The following MARCHF3 variants were observed in gnomAD, a reference collection of about 807,000 sequenced individuals.
MARCHF3 encodes the protein membrane associated ring-CH-type finger 3, also known as E3 ubiquitin-protein ligase MARCHF3.
A neutral mutation model predicts 24.2 loss-of-function variants in MARCHF3; 13 were observed. The ratio of observed to expected loss-of-function variants is 0.54; its 90% CI spans 0.35 to 0.85. The LOEUF is 0.85. Among genes scored for constraint, MARCHF3 ranks in the 40% least tolerant of loss-of-function variants. The pLI is 0.01. For synonymous variants in MARCHF3, 144 were observed against 137.3 expected, an observed-to-expected ratio of 1.05 and a Z score of -0.34; for missense variants, 276 against 325.0, an observed-to-expected ratio of 0.85 and a Z score of 1.16.
At chr5:126,998,574 G>A (rs1290144468) in intron 1 of MARCHF3, among the ~76,000 whole-genome samples, 1 of 152,174 alleles carries the variant, frequency 6.6e-6, no homozygotes, top group African/African-American at 2.4e-5. Flanking sequence ...AGCTGCAAAT[G>A]TACTTTCTCA....
At chr5:127,025,351 T>G (rs950602334) in intron 1 of MARCHF3, among the ~76,000 whole-genome samples, 1 of 149,776 alleles carries the variant, frequency 6.7e-6, no homozygotes, top group Admixed American at 6.7e-5. Context: ...GGGGAAGGCC[T>G]GCTGCTATAA....
chr5:126,934,622 A>C (rs2126805762), intron 1 of MARCHF3, among the ~76,000 whole-genome samples: 1 of 152,190 alleles, frequency 6.6e-6, no homozygotes, highest in East Asian at 1.9e-4. Flanking sequence ...CTTGCACATA[A>C]ATCTCTTTAA....
chr5:126,911,892 C>A (rs1009453412), intron 3 of MARCHF3, among the ~76,000 whole-genome samples: 5 of 152,158 alleles, frequency 3.3e-5, no homozygotes, highest in African/African-American at 1.2e-4. Context: ...GTGTAGAATA[C>A]ACATTTTTTG....
chr5:126,895,077 T>C (rs1420453190), intron 3 of MARCHF3, among the ~76,000 whole-genome samples: 2 of 152,094 alleles, frequency 1.3e-5, no homozygotes, highest in Non-Finnish European at 2.9e-5. Flanking sequence ...CCATTGCTGA[T>C]GCCCTTTCTT....
Position 126,870,742 on chromosome 5 carries a change from T to C in MARCHF3, c.653A>G (p.Asn218Ser), listed in dbSNP as rs201894151. 1.2e-6 allele frequency: 2 copies of C among 1,614,236 alleles called. No homozygotes were observed. The highest frequency in any genetic ancestry group is 2.7e-5 in the African/African-American group (2 of 75,060). Residue 218 changes from asparagine (N) to serine (S), a missense_variant, in exon 5 of 5, where the codon AAT becomes AGT. By Grantham distance (46) the Asn-to-Ser change is conservative (BLOSUM62 1). Transcript: ENST00000308660. The stretch of plus-strand genomic sequence containing the variant: ...TGGAATGAGGAGAATCACCCTCTGA[T>C]TGGTCCGACGCCACTCGTTGTACAA... Reference protein sequence around the residue: ...CRLYNEWRRTNQRVILLIPKS... With the variant: ...CRLYNEWRRTSQRVILLIPKS...
chr5:126,972,858 C>T (rs555361603), intron 1 of MARCHF3, among the ~76,000 whole-genome samples: 284 of 152,294 alleles, frequency 1.9e-3, no homozygotes, highest in African/African-American at 6.4e-3. Flanking sequence ...TGAAACCCAT[C>T]CCAAATACAC....
chr5:126,922,430 G>A (rs1382878821), intron 1 of MARCHF3, among the ~76,000 whole-genome samples: 3 of 152,168 alleles, frequency 2.0e-5, no homozygotes, highest in Non-Finnish European at 4.4e-5. Flanking sequence ...AACATGCCAT[G>A]TACAGAGAAG....
chr5:127,018,983 A>T (rs1752712492), intron 1 of MARCHF3, among the ~76,000 whole-genome samples: 1 of 152,200 alleles, frequency 6.6e-6, no homozygotes, highest in Admixed American at 6.5e-5. Context: ...GTTAATAAAA[A>T]ATTTTATATT....
chr5:126,972,700 G>A (rs551582320), intron 1 of MARCHF3, among the ~76,000 whole-genome samples: 2 of 152,158 alleles, frequency 1.3e-5, no homozygotes, highest in African/African-American at 2.4e-5. Flanking sequence ...CAAGAGCTAC[G>A]TGGAGGAAGA....
At chr5:126,988,033 T>C (rs1413993358) in intron 1 of MARCHF3, among the ~76,000 whole-genome samples, 1 of 152,048 alleles carries the variant, frequency 6.6e-6, no homozygotes, top group Non-Finnish European at 1.5e-5. Context: ...CTAAAATTAG[T>C]TCAAAATAAA....
At chr5:126,905,429 G>C (rs1301988417) in intron 3 of MARCHF3, among the ~76,000 whole-genome samples, 3 of 145,436 alleles carry the variant, frequency 2.1e-5, no homozygotes, top group Non-Finnish European at 4.5e-5. Context: ...TCACGATATT[G>C]ATTCTTCCTA....
chr5:126,983,917 T>C (rs1554070875), intron 1 of MARCHF3, among the ~76,000 whole-genome samples: 2 of 152,258 alleles, frequency 1.3e-5, no homozygotes, highest in African/African-American at 2.4e-5. Context: ...AACTCCAACA[T>C]TGAGAAATTA....
chr5:126,913,689 C>T (rs182962834), intron 3 of MARCHF3, among the ~76,000 whole-genome samples: 4 of 152,170 alleles, frequency 2.6e-5, no homozygotes, highest in Non-Finnish European at 5.9e-5. Flanking sequence ...AAACAGGCCC[C>T]GGTTATAGGT....
chr5:127,001,496 C>T (rs983139496), intron 1 of MARCHF3, among the ~76,000 whole-genome samples: 1 of 152,114 alleles, frequency 6.6e-6, no homozygotes, highest in Non-Finnish European at 1.5e-5. Flanking sequence ...CAAAACCTGC[C>T]TCTCCCCCAT....
At chr5:126,903,597 T>C (rs1030104291) in intron 3 of MARCHF3, among the ~76,000 whole-genome samples, 1 of 151,984 alleles carries the variant, frequency 6.6e-6, no homozygotes, top group Admixed American at 6.6e-5. Context: ...TCCATTATAA[T>C]AACAGTCCAG....
chr5:126,883,322 C>A (rs553714613), intron 3 of MARCHF3, among the ~76,000 whole-genome samples: 12 of 152,256 alleles, frequency 7.9e-5, no homozygotes, highest in African/African-American at 2.6e-4. Flanking sequence ...CCAAGGGCAC[C>A]CTTCTGGCAT....
At chr5:126,911,203 C>A (rs193206597) in intron 3 of MARCHF3, among the ~76,000 whole-genome samples, 1 of 152,276 alleles carries the variant, frequency 6.6e-6, no homozygotes. Context: ...TGTGATCTCG[C>A]CCTGCCTCCA....
At chr5:126,951,438 T>A (rs1750228141) in intron 1 of MARCHF3, among the ~76,000 whole-genome samples, 1 of 152,144 alleles carries the variant, frequency 6.6e-6, no homozygotes. Context: ...CTATTTAACA[T>A]CTCCATGTAG....
intron 1 of MARCHF3, among the ~76,000 whole-genome samples, chr5:126,925,593 A>G (rs763392144): frequency 1.3e-4 from 20 of 152,320 alleles, no homozygotes; most frequent in Non-Finnish European, 2.4e-4. Context: ...AATGGCAATT[A>G]AAAATCCCAC....
Sources: allele counts gnomAD v4.1 joint callset (sites outside exome capture counted in the v4.1 genomes callset), GRCh38; gene constraint gnomAD v4.1.1; transcripts MANE v1.5; gene names NCBI Gene and HGNC (gene_info 2026-07-23, HGNC 2026-07-21).